The following SYCP2 variants were observed in gnomAD, a reference collection of about 807,000 sequenced individuals.
SYCP2 encodes the protein synaptonemal complex lateral element protein.
In SYCP2, 55 loss-of-function variants were observed where a neutral mutation model predicts 211.3. The observed-to-expected ratio is 0.26, with a 90% CI of 0.21 to 0.33. The LOEUF (loss-of-function observed/expected upper bound fraction) is 0.33. Ranked by LOEUF, SYCP2 falls within the 10% of genes least tolerant of loss-of-function variation. The pLI is 1.00. For synonymous variants in SYCP2, 570 were observed against 555.2 expected (o/e 1.03, Z -0.37); for missense variants, 1,731 against 1,752.0 (o/e 0.99, Z 0.21).
In SYCP2 at chr20:59,864,209, T is replaced by C; in HGVS notation, c.*102A>G. 1.2e-6 allele frequency: 1 copy of C among 818,572 alleles called. No individual in the cohort carries two copies. Among genetic ancestry groups the C allele is most frequent in the Non-Finnish European group, 1.9e-6 (1 of 530,170 alleles). The allele number at this position is 818,572 out of a possible 1,614,324, so 50.7% of individuals were successfully genotyped here. A position where few individuals can be genotyped will look rare whatever the true frequency, so the allele number is the denominator to read the frequency against. ...GGGTTCCTATAAAGGGTACACTTGC[T>C]TCGGTGACATGTATATTTTTCTCTT... is the stretch of plus-strand genomic sequence containing the variant. On this transcript the variant is annotated 3_prime_UTR_variant, in exon 45 of 45. Coordinates refer to ENST00000357552, the MANE Select transcript of SYCP2 (RefSeq NM_014258.4).
At chr20:59,901,571 C>A in intron 16 of SYCP2, 91 bp downstream of exon 16, 1 of 786,436 alleles carries the variant, frequency 1.3e-6, no homozygotes, top group Non-Finnish European at 1.9e-6. Flanking sequence ...TTTAAGAATT[C>A]TAGAAAGGAA....
At chr20:59,913,469 TAAA>T (rs905588701) in intron 12 of SYCP2, among the ~76,000 whole-genome samples, 2 of 152,006 alleles carry the variant, frequency 1.3e-5, no homozygotes, top group Non-Finnish European at 2.9e-5. Context: ...TCTGTCGTTA[TAAA>T]AAAAAGATTA....
rs1419264358 is a variant in SYCP2 at position 59,873,976 on chromosome 20, T to C, written c.3435A>G (p.Ser1145=). The C allele has an allele frequency of 6.2e-7, 1 of 1,613,130 alleles. No individual in the cohort carries two copies. The highest frequency in any genetic ancestry group is 8.5e-7 in the Non-Finnish European group (1 of 1,179,558). Residue 1145 remains serine, a synonymous_variant, in exon 35 of 45, where the codon TCA becomes TCG. Transcript: ENST00000357552. ...CACTGTTACTATTTAAGGATTCAAGTGATGAAGTTTTTGGATAAGGTGATA... is the reference window on the plus strand; with the variant it reads ...CACTGTTACTATTTAAGGATTCAAGCGATGAAGTTTTTGGATAAGGTGATA... ...KSISPYPKTS[S]LESLNSNSGV...
intron 14 of SYCP2, among the ~76,000 whole-genome samples, chr20:59,908,259 G>A (rs1248512703): frequency 6.6e-6 from 1 of 151,774 alleles, no homozygotes; most frequent in Non-Finnish European, 1.5e-5. Flanking sequence ...AAACAAAACA[G>A]AACAAAACAC....
At position 59,893,568 on chromosome 20, in the gene SYCP2, T is replaced by G; in HGVS notation, c.1691A>C (p.Glu564Ala). ...DKHIKTAKCV[E>A]NTENKNVEFP... is the part of the protein sequence containing the mutation. ...TTCAACATTCTTATTTTCTGTGTTT[T>G]CTACACACTTAGCAGTTTTGATATG... The change falls in exon 21 of 45, where the codon GAA becomes GCA. Residue 564 changes from glutamate to alanine, a missense_variant. Transcript: ENST00000357552. The G allele has an allele frequency of 6.2e-7, 1 of 1,609,344 alleles. No homozygotes were observed. The highest frequency in any genetic ancestry group is 8.5e-7 in the Non-Finnish European group (1 of 1,177,128).
Position 59,869,973 on chromosome 20 carries a change from G to A in SYCP2, c.3566C>T (p.Thr1189Ile), listed in dbSNP as rs772050274. ...TACAATAGTATTACTCTTAGTTGGA[G>A]TATGTCTGGGCTATGAATGAAGACA... ...IPRPLFLPRHTPTKSNTIVNR... is the reference protein window; with the variant it reads ...IPRPLFLPRHIPTKSNTIVNR... Residue 1189 changes from threonine to isoleucine, a missense_variant, in exon 36 of 45, where the codon ACT (threonine) becomes ATT (isoleucine). By Grantham distance (89) the Thr-to-Ile change is moderately conservative. This residue lies in a region of SYCP2 where 1,387 missense variants were observed against 1,351.3 expected (regional missense o/e 1.03). Coordinates refer to ENST00000357552, the MANE Select transcript of SYCP2 (RefSeq NM_014258.4). 5.0e-6 allele frequency: 8 copies of A among 1,592,816 alleles called. No homozygotes were observed. Among genetic ancestry groups the A allele is most frequent in the Admixed American group, 1.7e-5 (1 of 58,984 alleles).
rs758653582 is a variant in SYCP2 at position 59,914,028 on chromosome 20, CTAATTT to C, written c.778-7_778-2del. On this transcript the variant is annotated splice_acceptor_variant and splice_polypyrimidine_tract_variant and intron_variant, in intron 11 of 44. Transcript: ENST00000357552. LOFTEE classifies it high-confidence loss of function. ...CAAGGTTGAGAAATATCCTGCAATC[CTAATTT>C]TAAAGAGAAATACTTTTAAAAATCA... 6 of 1,592,012 alleles carry C rather than the reference CTAATTT, an allele frequency of 3.8e-6. No homozygotes were observed. In the African/African-American group the frequency reaches 4.1e-5, roughly 11 times the overall value.
chr20:59,873,792 A>G (rs2059500481), intron 35 of SYCP2, 64 bp downstream of exon 35: 1 of 1,366,630 alleles, frequency 7.3e-7, no homozygotes, highest in Non-Finnish European at 1.0e-6. Flanking sequence ...TTAAGATGAT[A>G]GGGAAAATAA....
rs2059394024 is a variant in SYCP2 at position 59,868,576 on chromosome 20, A to G, written c.3833-8T>C. ...TAAGATGTTGGGTGGGGCCTTAGGA[A>G]CAGTTAAAGAAAGTTAAAAGCGCTG... On this transcript the variant is annotated splice_polypyrimidine_tract_variant and splice_region_variant and intron_variant, in intron 37 of 44. Transcript: ENST00000357552. 3.8e-6 allele frequency: 6 copies of G among 1,581,016 alleles called. No individual in the cohort carries two copies. Among genetic ancestry groups the G allele is most frequent in the Non-Finnish European group, 5.1e-6 (6 of 1,170,876 alleles).
chr20:59,905,613 T>A (rs190242566), intron 15 of SYCP2, among the ~76,000 whole-genome samples: 3 of 152,152 alleles, frequency 2.0e-5, no homozygotes, highest in Non-Finnish European at 4.4e-5. Context: ...CAAGGATGGA[T>A]AGATTAAAAG....
rs199508701 is a variant in SYCP2 at position 59,893,478 on chromosome 20, T to C, written c.1735+46A>G. 1.2e-4 allele frequency: 145 copies of C among 1,234,542 alleles called. 2 individuals carry two copies. In the East Asian group the frequency reaches 2.2e-3, roughly 19 times the overall value. The allele number at this position is 1,234,542 out of a possible 1,614,324, so 76.5% of individuals were successfully genotyped here. On this transcript the variant is annotated intron_variant, in intron 21 of 44. Transcript: ENST00000357552. ...AAATGGTAATACAGGGAGAAGTATA[T>C]ACATTTTCTTAAAAAAATGACTAAA...
intron 19 of SYCP2, 145 bp from the exon 20 acceptor site, chr20:59,895,742 C>T: frequency 1.1e-6 from 1 of 911,774 alleles, no homozygotes; most frequent in Non-Finnish European, 1.7e-6. Context: ...AATATAGATG[C>T]CATCTACCAA....
chr20:59,893,292 T>C (rs2059944087), intron 21 of SYCP2, 93 bp from the exon 22 acceptor site: 3 of 886,408 alleles, frequency 3.4e-6, no homozygotes, highest in African/African-American at 1.7e-5. Context: ...AAGGTTCACA[T>C]ATTGGGATGA....
chr20:59,878,180 A>C, intron 31 of SYCP2, 135 bp from the exon 32 acceptor site: 1 of 636,632 alleles, frequency 1.6e-6, no homozygotes, highest in Non-Finnish European at 2.5e-6. Flanking sequence ...GTTAGCATTT[A>C]ATAAGTGAAC....
intron 10 of SYCP2, 92 bp from the exon 11 acceptor site, chr20:59,914,343 A>G: frequency 6.3e-6 from 4 of 639,472 alleles, no homozygotes; most frequent in Non-Finnish European, 1.0e-5. Context: ...AATAAGCAAG[A>G]GAAATAAGAA....
chr20:59,893,560 C>T lies in SYCP2; in HGVS notation c.1699G>A (p.Glu567Lys). Reference sequence around the variant, plus strand: ...TTTGGGAATTCAACATTCTTATTTTCTGTGTTTTCTACACACTTAGCAGTT... The same window carrying T: ...TTTGGGAATTCAACATTCTTATTTTTTGTGTTTTCTACACACTTAGCAGTT... ...IKTAKCVENT[E>K]NKNVEFPNQN... Residue 567 changes from glutamate (E) to lysine (K), a missense_variant, in exon 21 of 45, where the codon GAA becomes AAA. Physicochemically the swap from Glu to Lys is moderately conservative, Grantham distance 56 (BLOSUM62 1). Transcript: ENST00000357552. 1 of 1,609,052 alleles carries T rather than the reference C, an allele frequency of 6.2e-7. No individual in the cohort carries two copies. Among genetic ancestry groups the T allele is most frequent in the South Asian group, 1.1e-5 (1 of 90,560 alleles).
chr20:59,876,411 A>AAAAAAAAAAAAAAAAAAAAAG (rs71183188), intron 33 of SYCP2, among the ~76,000 whole-genome samples: 1 of 139,586 alleles, frequency 7.2e-6, no homozygotes, highest in Non-Finnish European at 1.6e-5. Context: ...AAAAAAAAAA[A>AAAAAAAAAAAAAAAAAAAAAG]GAAGAAGTGA....
intron 2 of SYCP2, among the ~76,000 whole-genome samples, chr20:59,928,610 T>C (rs960651559): frequency 1.3e-5 from 2 of 152,114 alleles, no homozygotes; most frequent in Non-Finnish European, 2.9e-5. Flanking sequence ...AACAGTGAAG[T>C]ATTAAGAATG....
intron 24 of SYCP2, among the ~76,000 whole-genome samples, chr20:59,889,316 GAATGGGTA>G (rs1258602622): frequency 6.6e-6 from 1 of 151,960 alleles, no homozygotes; most frequent in Non-Finnish European, 1.5e-5. Flanking sequence ...AATAATAGGG[GAATGGGTA>G]AATGGGTATA....
Sources: gnomAD v4.1 joint callset for allele counts (sites outside exome capture counted in the v4.1 genomes callset) on GRCh38, gnomAD v4.1.1 for gene constraint, gnomAD v4.1.1 regional missense constraint, MANE v1.5 for transcripts, NCBI Gene and HGNC (gene_info 2026-07-23, HGNC 2026-07-21) for gene names.